Variants in PPP2R2B observed in about 807,000 individuals in gnomAD.
The protein encoded by PPP2R2B is serine/threonine-protein phosphatase 2A 55 kDa regulatory subunit B beta isoform.
A neutral mutation model predicts 46.0 loss-of-function variants in PPP2R2B; 5 were observed. The ratio of observed to expected loss-of-function variants is 0.11; its 90% CI spans 0.06 to 0.23. The LOEUF is 0.23. PPP2R2B is among the 10% of genes least tolerant of loss of function. PPP2R2B has a pLI of 1.00. For missense variants in PPP2R2B, 367 were observed against 575.0 expected, an observed-to-expected ratio of 0.64 and a Z score of 3.70; for synonymous variants, 215 against 206.7, an observed-to-expected ratio of 1.04 and a Z score of -0.34.
chr5:146,716,200 C>T (rs1780489060), intron 2 of PPP2R2B, among the ~76,000 whole-genome samples: 1 of 152,088 alleles, frequency 6.6e-6, no homozygotes, highest in Non-Finnish European at 1.5e-5. Context: ...TCCTTCAAGG[C>T]CAGCTCAAAT....
intron 1 of PPP2R2B, among the ~76,000 whole-genome samples, chr5:146,920,118 T>C (rs546234031): frequency 6.6e-6 from 1 of 152,302 alleles, no homozygotes; most frequent in South Asian, 2.1e-4. Flanking sequence ...ATGAAGGTTA[T>C]AGTAATTATT....
intron 1 of PPP2R2B, among the ~76,000 whole-genome samples, chr5:146,891,055 A>AT (rs1353877461): frequency 2.0e-5 from 3 of 152,210 alleles, no homozygotes; most frequent in African/African-American, 7.2e-5. Context: ...TGTCCCCAGC[A>AT]AATTTTTTCG....
At chr5:146,626,307 T>C (rs1774063692) in intron 7 of PPP2R2B, among the ~76,000 whole-genome samples, 1 of 152,160 alleles carries the variant, frequency 6.6e-6, no homozygotes, top group African/African-American at 2.4e-5. Flanking sequence ...ATCTATTATA[T>C]ATAAAGATTG....
At chr5:146,907,400 T>A (rs1763036113) in intron 1 of PPP2R2B, among the ~76,000 whole-genome samples, 2 of 152,232 alleles carry the variant, frequency 1.3e-5, no homozygotes. Context: ...TGTTCCCATA[T>A]GAGCGTTCCC....
intron 2 of PPP2R2B, among the ~76,000 whole-genome samples, chr5:146,835,564 A>G (rs2151358940): frequency 6.6e-6 from 1 of 152,286 alleles, no homozygotes; most frequent in East Asian, 1.9e-4. Context: ...TGCCAGTCTC[A>G]GAGAATTAGA....
At chr5:146,738,923 G>A (rs1210987659) in intron 2 of PPP2R2B, among the ~76,000 whole-genome samples, 1 of 152,142 alleles carries the variant, frequency 6.6e-6, no homozygotes, top group Non-Finnish European at 1.5e-5. Flanking sequence ...CTGCCATTGA[G>A]GATATTACTG....
chr5:146,800,236 T>C (rs935758632), intron 2 of PPP2R2B, among the ~76,000 whole-genome samples: 3 of 152,100 alleles, frequency 2.0e-5, no homozygotes, highest in African/African-American at 7.2e-5. Flanking sequence ...ATAAACATAA[T>C]ATTACTGACT....
chr5:146,866,656 A>T (rs1025478707), intron 2 of PPP2R2B, among the ~76,000 whole-genome samples: 2 of 152,152 alleles, frequency 1.3e-5, no homozygotes, highest in African/African-American at 4.8e-5. Flanking sequence ...ATATATATGC[A>T]CACAGAGGCA....
chr5:146,654,827 CT>C (rs1350732481), intron 5 of PPP2R2B, among the ~76,000 whole-genome samples: 1 of 152,158 alleles, frequency 6.6e-6, no homozygotes, highest in African/African-American at 2.4e-5. Flanking sequence ...CAGACTTCTG[CT>C]CCCACACACC....
intron 5 of PPP2R2B, among the ~76,000 whole-genome samples, chr5:146,673,887 A>T (rs1694643795): frequency 1.3e-5 from 2 of 152,194 alleles, no homozygotes; most frequent in African/African-American, 4.8e-5. Flanking sequence ...TCTTATCTGC[A>T]CTTGCAGTTT....
chr5:147,020,091 T>G (rs1323710152), intron 1 of PPP2R2B, among the ~76,000 whole-genome samples: 1 of 152,156 alleles, frequency 6.6e-6, no homozygotes. Flanking sequence ...CACCCTCTCC[T>G]TATAAAGATG....
chr5:147,008,569 T>C (rs1754561206), intron 1 of PPP2R2B, among the ~76,000 whole-genome samples: 1 of 152,104 alleles, frequency 6.6e-6, no homozygotes, highest in Non-Finnish European at 1.5e-5. Context: ...GAGATGTTTA[T>C]CTATATAAAA....
At position 146,583,513 on chromosome 5, in the gene PPP2R2B, A is replaced by AGGCAGGCAGGCT; in HGVS notation, c.*6422_*6433dup. On this transcript the variant is annotated 3_prime_UTR_variant, in exon 10 of 10. Transcript: ENST00000394411. ...CATGGTGGAGCTCAGATTTTAACCC[A>AGGCAGGCAGGCT]GGCAGGCAGGCTGGCAGGCTCGGTA... The AGGCAGGCAGGCT allele has an allele frequency of 6.6e-6, 1 of 152,268 alleles. No homozygotes were observed. The highest frequency in any genetic ancestry group is 1.5e-5 in the Non-Finnish European group (1 of 68,036). The allele number at this position is 152,268 out of a possible 1,614,324, so 9.4% of individuals were successfully genotyped here.
chr5:146,600,720 T>C (rs1771701590), intron 7 of PPP2R2B, among the ~76,000 whole-genome samples: 1 of 152,226 alleles, frequency 6.6e-6, no homozygotes, highest in Non-Finnish European at 1.5e-5. Context: ...GATCTATGTA[T>C]CTAACTCTGT....
At chr5:146,760,099 C>T (rs932832107) in intron 2 of PPP2R2B, among the ~76,000 whole-genome samples, 1 of 152,154 alleles carries the variant, frequency 6.6e-6, no homozygotes, top group Non-Finnish European at 1.5e-5. Context: ...GCATACAAAG[C>T]ATTTAGCACA....
chr5:146,706,635 A>G, intron 2 of PPP2R2B: 12 of 814,680 alleles, frequency 1.5e-5, no homozygotes, highest in South Asian at 2.7e-5. Flanking sequence ...GCCGGCCTCC[A>G]GGGAAATCCT....
intron 2 of PPP2R2B, among the ~76,000 whole-genome samples, chr5:146,868,027 G>A (rs1761409019): frequency 6.6e-6 from 1 of 152,204 alleles, no homozygotes; most frequent in Non-Finnish European, 1.5e-5. Flanking sequence ...GTCATTGAGA[G>A]CTTAACCTCA....
At chr5:146,640,566 C>A (rs970866924) in intron 6 of PPP2R2B, among the ~76,000 whole-genome samples, 1 of 152,154 alleles carries the variant, frequency 6.6e-6, no homozygotes, top group African/African-American at 2.4e-5. Context: ...CCAGAGCAAG[C>A]CTTGATATCC....
chr5:146,768,701 C>G (rs1235308010), intron 2 of PPP2R2B, among the ~76,000 whole-genome samples: 1 of 152,178 alleles, frequency 6.6e-6, no homozygotes, highest in Non-Finnish European at 1.5e-5. Context: ...ACATTGGGCC[C>G]ACATCTCCAA....
Sources: allele counts gnomAD v4.1 joint callset (sites outside exome capture counted in the v4.1 genomes callset), GRCh38; gene constraint gnomAD v4.1.1; transcripts MANE v1.5; gene names NCBI Gene and HGNC (gene_info 2026-07-23, HGNC 2026-07-21).